The following SPMIP4 variants were observed in gnomAD, a reference collection of about 807,000 sequenced individuals.
SPMIP4 encodes sperm microtubule inner protein 4.
the SPMIP4 span, among the ~76,000 whole-genome samples, chr7:25,137,301 CTTT>C: frequency 1.2e-4 from 15 of 127,068 alleles, no homozygotes; most frequent in East Asian, 8.9e-4. Flanking sequence ...GCTGAATTTT[CTTT>C]TTTTTTTTTT....
the SPMIP4 span, among the ~76,000 whole-genome samples, chr7:25,162,325 C>T: frequency 8.7e-5 from 13 of 148,620 alleles, no homozygotes; most frequent in African/African-American, 2.5e-5. Context: ...CTAAAAAACC[C>T]AAATTAAATT....
the SPMIP4 span, among the ~76,000 whole-genome samples, chr7:25,159,999 AAT>A: frequency 2.6e-5 from 4 of 152,112 alleles, no homozygotes; most frequent in Non-Finnish European, 4.4e-5. Flanking sequence ...GAAAAAAAAA[AAT>A]AAATTTAAAA....
the SPMIP4 span, among the ~76,000 whole-genome samples, chr7:25,160,315 T>C: frequency 2.0e-5 from 3 of 152,246 alleles, no homozygotes; most frequent in Non-Finnish European, 4.4e-5. Flanking sequence ...TTTGTTTGTT[T>C]GAGATGGAGT....
chr7:25,169,513 TAA>T, the SPMIP4 span, among the ~76,000 whole-genome samples: 1 of 152,318 alleles, frequency 6.6e-6, no homozygotes. Context: ...TGACTTGGCA[TAA>T]AGTTTTCAAG....
the SPMIP4 span, among the ~76,000 whole-genome samples, chr7:25,178,445 G>C: frequency 7.3e-3 from 1,110 of 152,304 alleles, 5 homozygotes; most frequent in Non-Finnish European, 0.013. Flanking sequence ...TAATTAATGT[G>C]TTACAGGGAA....
At chr7:25,169,830 G>A in the SPMIP4 span, among the ~76,000 whole-genome samples, 2 of 152,058 alleles carry the variant, frequency 1.3e-5, no homozygotes, top group African/African-American at 4.8e-5. Flanking sequence ...CCCTACCTTG[G>A]CCTCCCAAAG....
chr7:25,156,170 T>C, the SPMIP4 span, among the ~76,000 whole-genome samples: 2 of 152,208 alleles, frequency 1.3e-5, no homozygotes, highest in Admixed American at 6.5e-5. Flanking sequence ...GAGGATGCCA[T>C]GTGAAGATAA....
At chr7:25,153,978 A>G in the SPMIP4 span, among the ~76,000 whole-genome samples, 1 of 152,210 alleles carries the variant, frequency 6.6e-6, no homozygotes, top group African/African-American at 2.4e-5. Flanking sequence ...TATCTCTGTT[A>G]TTTGATAAGT....
At chr7:25,151,331 C>T in the SPMIP4 span, among the ~76,000 whole-genome samples, 3 of 151,542 alleles carry the variant, frequency 2.0e-5, no homozygotes, top group Admixed American at 6.6e-5. Context: ...AAGCGATTCT[C>T]ATGCCTCAGC....
chr7:25,150,373 G>A, the SPMIP4 span, among the ~76,000 whole-genome samples: 1 of 152,180 alleles, frequency 6.6e-6, no homozygotes, highest in Admixed American at 6.5e-5. Context: ...CAGTAAAACA[G>A]ACGCTTCGTT....
the SPMIP4 span, among the ~76,000 whole-genome samples, chr7:25,174,241 TCTCA>T: frequency 8.6e-5 from 13 of 151,958 alleles, no homozygotes; most frequent in East Asian, 5.8e-4. This position sits in a 1 kb window ranked among gnomAD's most constrained non-coding sequence, Gnocchi z 4.5. Flanking sequence ...TCCCCCTCTC[TCTCA>T]CTGTCTCTCT....
At chr7:25,156,803 T>C in the SPMIP4 span, among the ~76,000 whole-genome samples, 3 of 152,214 alleles carry the variant, frequency 2.0e-5, no homozygotes, top group African/African-American at 7.2e-5. Flanking sequence ...TTCTCCTGCC[T>C]CAGCCTCCCA....
the SPMIP4 span, among the ~76,000 whole-genome samples, chr7:25,177,599 A>G: frequency 6.6e-6 from 1 of 152,232 alleles, no homozygotes; most frequent in Non-Finnish European, 1.5e-5. Flanking sequence ...AAAATGATTC[A>G]AGTAAATACA....
the SPMIP4 span, among the ~76,000 whole-genome samples, chr7:25,134,510 G>A: frequency 2.0e-5 from 3 of 152,180 alleles, no homozygotes; most frequent in African/African-American, 7.2e-5. Context: ...CTTCCTCTTA[G>A]TTGAGAAGCA....
chr7:25,136,848 T>C, the SPMIP4 span: 1 of 1,548,240 alleles, frequency 6.5e-7, no homozygotes, highest in Non-Finnish European at 8.7e-7. This position sits in a 1 kb window ranked among gnomAD's most constrained non-coding sequence, Gnocchi z 5.7. Flanking sequence ...TTGCCACAAA[T>C]GGTAGGTCAA....
the SPMIP4 span, among the ~76,000 whole-genome samples, chr7:25,169,789 T>C: frequency 1.8e-4 from 27 of 152,304 alleles, no homozygotes; most frequent in African/African-American, 6.3e-4. Flanking sequence ...TTGGCCAGGT[T>C]GGTTTTGAAC....
the SPMIP4 span, among the ~76,000 whole-genome samples, chr7:25,161,988 A>G: frequency 3.3e-5 from 5 of 152,142 alleles, no homozygotes; most frequent in Non-Finnish European, 7.4e-5. Flanking sequence ...TTTAATTATA[A>G]GGCTGGGAGT....
chr7:25,159,465 C>T, the SPMIP4 span, among the ~76,000 whole-genome samples: 1 of 152,214 alleles, frequency 6.6e-6, no homozygotes, highest in Admixed American at 6.5e-5. Flanking sequence ...CATCCACCTA[C>T]ATTGGATTTC....
chr7:25,151,681 T>C, the SPMIP4 span: 1 of 1,592,520 alleles, frequency 6.3e-7, no homozygotes, highest in Admixed American at 1.7e-5. Flanking sequence ...TCTATAAGGA[T>C]TACCTGAAAA....
Sources: allele counts gnomAD v4.1 joint callset (sites outside exome capture counted in the v4.1 genomes callset), GRCh38; gene constraint gnomAD v4.1.1; non-coding constraint Gnocchi (gnomAD v3.1); transcripts MANE v1.5; gene names NCBI Gene and HGNC (gene_info 2026-07-23, HGNC 2026-07-21).